CNTNAP4: variants seen among roughly 807,000 people sequenced by gnomAD.
The protein encoded by CNTNAP4 is contactin associated protein family member 4, also known as contactin-associated protein-like 4.
A neutral mutation model predicts 148.4 loss-of-function variants in CNTNAP4; 98 were observed. The observed-to-expected ratio is 0.66, with a 90% CI of 0.56 to 0.78. The LOEUF (loss-of-function observed/expected upper bound fraction) is 0.78. Among genes scored for constraint, CNTNAP4 ranks in the 30% least tolerant of loss-of-function variants. The pLI is 0.00. For missense variants in CNTNAP4, 1,935 were observed against 1,565.6 expected, an observed-to-expected ratio of 1.24 and a Z score of -3.98; for synonymous variants, 730 against 565.1, an observed-to-expected ratio of 1.29 and a Z score of -4.14.
At chr16:76,391,675 G>T (rs946994455) in intron 3 of CNTNAP4, among the ~76,000 whole-genome samples, 4 of 152,192 alleles carry the variant, frequency 2.6e-5, no homozygotes, top group Admixed American at 6.5e-5. Flanking sequence ...TCCAGGAACA[G>T]TGTTGTAAGG....
chr16:76,383,505 A>G (rs2016204123), intron 3 of CNTNAP4, among the ~76,000 whole-genome samples: 1 of 152,134 alleles, frequency 6.6e-6, no homozygotes, highest in South Asian at 2.1e-4. Context: ...TGATTGAAAG[A>G]AAAAGGAAGA....
At chr16:76,399,409 C>A (rs772928337) in intron 3 of CNTNAP4, among the ~76,000 whole-genome samples, 6 of 152,090 alleles carry the variant, frequency 3.9e-5, no homozygotes, top group Non-Finnish European at 7.4e-5. Flanking sequence ...TGTTTTTATT[C>A]TGGGATTTGA....
At chr16:76,333,528 A>G (rs1435711234) in intron 2 of CNTNAP4, among the ~76,000 whole-genome samples, 1 of 152,064 alleles carries the variant, frequency 6.6e-6, no homozygotes, top group Non-Finnish European at 1.5e-5. Flanking sequence ...TGTTTCCTTT[A>G]GCTCTTTGAG....
chr16:76,540,491 C>T (rs72799057), intron 20 of CNTNAP4, among the ~76,000 whole-genome samples: 29,284 of 151,080 alleles, frequency 0.19, 3,535 homozygotes, highest in Middle Eastern at 0.31. Context: ...AGAAATAATA[C>T]TAATATTGTA....
intron 3 of CNTNAP4, among the ~76,000 whole-genome samples, chr16:76,394,092 C>G (rs374098529): frequency 6.6e-6 from 1 of 152,134 alleles, no homozygotes; most frequent in East Asian, 1.9e-4. Context: ...ATGGCAAGCT[C>G]TGGCTTCTAC....
chr16:76,530,250 T>C (rs1352574069), intron 17 of CNTNAP4, among the ~76,000 whole-genome samples: 2 of 152,096 alleles, frequency 1.3e-5, no homozygotes, highest in Non-Finnish European at 2.9e-5. Context: ...TAAAATGTAG[T>C]TATGGGAAGA....
At chr16:76,355,254 C>G in intron 2 of CNTNAP4, 64 bp from the exon 3 acceptor site, 1 of 1,285,262 alleles carries the variant, frequency 7.8e-7, no homozygotes, top group Non-Finnish European at 1.0e-6. Context: ...CATTTCTTTA[C>G]AAACATAGAT....
intron 10 of CNTNAP4, among the ~76,000 whole-genome samples, chr16:76,468,606 T>G (rs986887167): frequency 2.0e-5 from 3 of 152,152 alleles, no homozygotes; most frequent in Non-Finnish European, 2.9e-5. Flanking sequence ...TATCTCAGCC[T>G]CCTGAGTCAC....
intron 3 of CNTNAP4, among the ~76,000 whole-genome samples, chr16:76,396,517 ATTACT>A (rs2078212342): frequency 6.6e-6 from 1 of 152,282 alleles, no homozygotes. Context: ...TGGTTTAGAC[ATTACT>A]TTAGTTTTGA....
At chr16:76,362,237 C>G (rs1438217849) in intron 3 of CNTNAP4, among the ~76,000 whole-genome samples, 3 of 151,946 alleles carry the variant, frequency 2.0e-5, no homozygotes, top group African/African-American at 7.3e-5. Context: ...CAAAACATTG[C>G]TGAAAGAAGT....
chr16:76,401,693 C>T (rs1239865545), intron 3 of CNTNAP4, among the ~76,000 whole-genome samples: 3 of 151,982 alleles, frequency 2.0e-5, no homozygotes, highest in Non-Finnish European at 2.9e-5. Context: ...CCATAGATAG[C>T]TTTTATTTTG....
chr16:76,368,838 T>C (rs2014461436), intron 3 of CNTNAP4, among the ~76,000 whole-genome samples: 1 of 152,052 alleles, frequency 6.6e-6, no homozygotes, highest in Admixed American at 6.6e-5. Context: ...TAAAATTACA[T>C]TAATTAAATT....
intron 4 of CNTNAP4, among the ~76,000 whole-genome samples, chr16:76,444,455 A>C (rs1426896869): frequency 1.3e-5 from 2 of 152,062 alleles, no homozygotes; most frequent in Non-Finnish European, 2.9e-5. Context: ...TTTTCTTAAC[A>C]GTGGTAAGAT....
chr16:76,449,118 C>A lies in CNTNAP4; in HGVS notation c.927+167C>A, dbSNP rs373713544. On this transcript the variant is annotated intron_variant, in intron 6 of 23. Coordinates refer to ENST00000611870, the MANE Select transcript of CNTNAP4 (RefSeq NM_033401.5). The stretch of plus-strand genomic sequence containing the variant: ...CAGTGGCAGCTTTCGGTGTATAGTA[C>A]TTGAACCTTCATCTTTCTCACAGTA... Among the ~76,000 whole-genome samples the A allele has an allele frequency of 7.5e-4, 114 of 152,232 alleles. 1 individual carries two copies. The South Asian group carries it at 0.013, about 17-fold the overall frequency.
At chr16:76,550,788 C>T (rs530640654) in intron 21 of CNTNAP4, among the ~76,000 whole-genome samples, 36 of 152,012 alleles carry the variant, frequency 2.4e-4, no homozygotes, top group Admixed American at 5.2e-4. Flanking sequence ...TTCTTTGGTT[C>T]CATACACATT....
At chr16:76,439,430 C>A (rs916607224) in intron 4 of CNTNAP4, among the ~76,000 whole-genome samples, 1 of 152,030 alleles carries the variant, frequency 6.6e-6, no homozygotes, top group Non-Finnish European at 1.5e-5. Context: ...GTATGAGAGG[C>A]TGGAATTTTT....
intron 3 of CNTNAP4, among the ~76,000 whole-genome samples, chr16:76,413,273 C>A (rs546500621): frequency 1.3e-5 from 2 of 151,542 alleles, no homozygotes; most frequent in East Asian, 3.9e-4. Flanking sequence ...TTCTCAGCCT[C>A]TAGTAACCAT....
At chr16:76,532,960 A>T (rs544172891) in intron 17 of CNTNAP4, among the ~76,000 whole-genome samples, 1 of 152,174 alleles carries the variant, frequency 6.6e-6, no homozygotes. Context: ...TAGAACTACA[A>T]TGTGATCCAG....
At chr16:76,461,813 T>G in intron 8 of CNTNAP4, 143 bp from the exon 9 acceptor site, 1 of 630,712 alleles carries the variant, frequency 1.6e-6, no homozygotes, top group Non-Finnish European at 2.6e-6. Flanking sequence ...TTTGTCTCCC[T>G]TTCCTTGTTG....
Sources: gnomAD v4.1 joint callset for allele counts (sites outside exome capture counted in the v4.1 genomes callset) on GRCh38, gnomAD v4.1.1 for gene constraint, MANE v1.5 for transcripts, NCBI Gene and HGNC (gene_info 2026-07-23, HGNC 2026-07-21) for gene names.